Variants in PSMC5 observed in about 807,000 individuals in gnomAD.
The protein encoded by PSMC5 is 26S proteasome regulatory subunit 8.
PSMC5 carries 11 observed loss-of-function variants against 49.1 expected under a neutral mutation model. The ratio of observed to expected loss-of-function variants is 0.22; its 90% CI spans 0.14 to 0.37. PSMC5 has a LOEUF of 0.37. Ranked by LOEUF, PSMC5 falls within the 10% of genes least tolerant of loss-of-function variation. PSMC5 has a pLI of 1.00. For missense variants in PSMC5, 229 were observed against 520.9 expected (o/e 0.44, Z 5.45); for synonymous variants, 206 against 192.2 (o/e 1.07, Z -0.59).
At position 63,827,450 on chromosome 17, in the gene PSMC5, A is replaced by C. The variant is rs963903728; in HGVS notation, c.-41A>C. The stretch of plus-strand genomic sequence containing the variant: ...TCCTCCGCTTCCGCGCTTGCGCGCC[A>C]AGACGGCTCGGATGCCGGCGGTCTC... On this transcript the variant is annotated 5_prime_UTR_variant, in exon 1 of 12. Transcript: ENST00000310144. 6.4e-7 allele frequency: 1 copy of C among 1,551,600 alleles called. No individual in the cohort carries two copies. Among genetic ancestry groups the C allele is most frequent in the Non-Finnish European group, 8.7e-7 (1 of 1,147,010 alleles).
chr17:63,829,366 C>A, intron 2 of PSMC5, 128 bp from the exon 3 acceptor site: 1 of 793,808 alleles, frequency 1.3e-6, no homozygotes, highest in South Asian at 1.6e-5. Context: ...ACTGGAGAAT[C>A]TGAAACAACA....
At position 63,829,509 on chromosome 17, in the gene PSMC5, A is replaced by G. The variant is rs1008437886; in HGVS notation, c.112A>G (p.Lys38Glu). ...IEELQLIVND[K>E]SQNLRRLQAQ... is the part of the protein sequence containing the mutation. ...TCTGCCACAGCTGATTGTGAATGAT[A>G]AGAGCCAAAACCTCCGGAGGCTGCA... The change falls in exon 3 of 12, where the codon AAG becomes GAG. Residue 38 changes from lysine to glutamate, a missense_variant. Physicochemically the swap from Lys to Glu is moderately conservative, Grantham distance 56 (BLOSUM62 1). Coordinates refer to ENST00000310144, the MANE Select transcript of PSMC5 (RefSeq NM_002805.6). The G allele has an allele frequency of 6.4e-7, 1 of 1,554,966 alleles. No individual in the cohort carries two copies. Among genetic ancestry groups the G allele is most frequent in the Non-Finnish European group, 8.7e-7 (1 of 1,148,718 alleles).
rs571812042 is a variant in PSMC5 at position 63,831,995 on chromosome 17, C to T, written c.*26C>T. 19 of 1,606,234 alleles carry T rather than the reference C, an allele frequency of 1.2e-5. No individual in the cohort carries two copies. The South Asian group carries it at 1.8e-4, about 15-fold the overall frequency. ...GTGGACAGCCTTTGTGTGTATCTCT[C>T]CAATAAAGCTCTGTGGGCCAAGTCC... On this transcript the variant is annotated 3_prime_UTR_variant, in exon 12 of 12. Transcript: ENST00000310144. The surrounding 1 kb of genome is among the most constrained non-coding windows in gnomAD (Gnocchi z 6.3).
chr17:63,828,107 C>G (rs1333171779), intron 1 of PSMC5, 31 bp from the exon 2 acceptor site: 3 of 1,613,452 alleles, frequency 1.9e-6, no homozygotes, highest in Non-Finnish European at 2.5e-6. Context: ...GATGTTTAAC[C>G]TGTCGTTTAA....
At position 63,831,828 on chromosome 17, in the gene PSMC5, T is replaced by C; in HGVS notation, c.1167+18T>C. 2.5e-6 allele frequency: 4 copies of C among 1,613,974 alleles called. No homozygotes were observed. The highest frequency in any genetic ancestry group is 1.1e-5 in the South Asian group (1 of 91,080). On this transcript the variant is annotated intron_variant, in intron 11 of 11. Coordinates refer to ENST00000310144, the MANE Select transcript of PSMC5 (RefSeq NM_002805.6). The surrounding 1 kb of genome is among the most constrained non-coding windows in gnomAD (Gnocchi z 6.3). ...TAGCCAAGGTATAGGCCTCCATCTT[T>C]GTGCCTTTGCCAGTGGTGGCTCTGG...
At chr17:63,827,943 TTTTA>T in intron 1 of PSMC5, 191 bp from the exon 2 acceptor site, 1 of 1,323,190 alleles carries the variant, frequency 7.6e-7, no homozygotes, top group Non-Finnish European at 1.0e-6. Context: ...GTTCCCATTC[TTTTA>T]TTTTAGTCCT....
chr17:63,828,038 C>G (rs1335651821), intron 1 of PSMC5, 100 bp from the exon 2 acceptor site: 1 of 1,438,660 alleles, frequency 7.0e-7, no homozygotes, highest in Non-Finnish European at 9.7e-7. Context: ...TTCTACTACG[C>G]AAAGCTACCT....
At chr17:63,827,752 G>A in intron 1 of PSMC5, 2 of 1,432,546 alleles carry the variant, frequency 1.4e-6, no homozygotes, top group South Asian at 1.5e-5. Flanking sequence ...AGCGATGGGC[G>A]CGGGAATGGC....
rs775898082 is a variant in PSMC5, at chr17:63,830,154, G to C, written c.286G>C (p.Val96Leu). 10 of 1,613,988 alleles carry C rather than the reference G, an allele frequency of 6.2e-6. No homozygotes were observed. The highest frequency in any genetic ancestry group is 1.7e-5 in the Admixed American group (1 of 60,000). ...LVKVHPEGKF[V>L]VDVDKNIDIN... ...TTAGGTACATCCTGAAGGTAAATTT[G>C]TTGTAGACGTGGACAAAAACATTGA... The change falls in exon 5 of 12, where the codon GTT (valine) becomes CTT (leucine). Residue 96 changes from valine (V) to leucine (L), a missense_variant. By Grantham distance (32) the Val-to-Leu change is conservative (BLOSUM62 1). Transcript: ENST00000310144. The surrounding 1 kb of genome is among the most constrained non-coding windows in gnomAD (Gnocchi z 4.0).
Position 63,831,442 on chromosome 17 carries a change from G to C in PSMC5, c.969+17G>C. On this transcript the variant is annotated intron_variant, in intron 9 of 11. Transcript: ENST00000310144. The surrounding 1 kb of genome is among the most constrained non-coding windows in gnomAD (Gnocchi z 6.3). ...AATGAGGAGGTTTGTGATGGACACTGTGCAAAGTGGCTCTGGCTGTGGGGG... is the reference window on the plus strand; with the variant it reads ...AATGAGGAGGTTTGTGATGGACACTCTGCAAAGTGGCTCTGGCTGTGGGGG... 1.2e-6 allele frequency: 2 copies of C among 1,613,300 alleles called. No homozygotes were observed. Among genetic ancestry groups the C allele is most frequent in the East Asian group, 4.5e-5 (2 of 44,876 alleles).
Position 63,830,609 on chromosome 17 carries a change from T to C in PSMC5, c.552+108T>C. ...GCACCGGGATAGGCTGCATCTTGCT[T>C]GGGCTGGCCCTCCCCCTGAAAAGAG... On this transcript the variant is annotated intron_variant, in intron 6 of 11. Coordinates refer to ENST00000310144, the MANE Select transcript of PSMC5 (RefSeq NM_002805.6). This position sits in a 1 kb window ranked among gnomAD's most constrained non-coding sequence, Gnocchi z 4.0. The C allele has an allele frequency of 1.3e-6, 2 of 1,510,710 alleles. No individual in the cohort carries two copies. Among genetic ancestry groups the C allele is most frequent in the Non-Finnish European group, 1.8e-6 (2 of 1,129,760 alleles). The allele number at this position is 1,510,710 out of a possible 1,614,324, so 93.6% of individuals were successfully genotyped here. A position where few individuals can be genotyped will look rare whatever the true frequency, so the allele number is the denominator to read the frequency against.
Position 63,830,314 on chromosome 17 carries a change from C to A in PSMC5, c.365C>A (p.Thr122Asn), listed in dbSNP as rs1249341788. ...GTGGCTCTAAGGAATGACAGCTACACTCTGCACAAGATCCTGCCCAACAAG... is the reference window on the plus strand; with the variant it reads ...GTGGCTCTAAGGAATGACAGCTACAATCTGCACAAGATCCTGCCCAACAAG... ...CRVALRNDSY[T>N]LHKILPNKVD... Residue 122 changes from threonine (T) to asparagine (N), a missense_variant, in exon 6 of 12, where the codon ACT (threonine) becomes AAT (asparagine). This residue lies in a region of PSMC5 where 10 missense variants were observed against 22.3 expected (regional missense o/e 0.45). Coordinates refer to ENST00000310144, the MANE Select transcript of PSMC5 (RefSeq NM_002805.6). The surrounding 1 kb of genome is among the most constrained non-coding windows in gnomAD (Gnocchi z 4.0). 1.2e-6 allele frequency: 2 copies of A among 1,614,104 alleles called. No homozygotes were observed. The highest frequency in any genetic ancestry group is 1.7e-6 in the Non-Finnish European group (2 of 1,180,056).
In PSMC5 at chr17:63,830,956, G is replaced by A. The variant is rs7220892; in HGVS notation, c.679+21G>A. ...GGAAGGTAACCATGGCTAGCAATGTGAGAAGCAAGAGGTAGGGGTAGGGGG... is the reference window on the plus strand; with the variant it reads ...GGAAGGTAACCATGGCTAGCAATGTAAGAAGCAAGAGGTAGGGGTAGGGGG... On this transcript the variant is annotated intron_variant, in intron 7 of 11. Coordinates refer to ENST00000310144, the MANE Select transcript of PSMC5 (RefSeq NM_002805.6). This position sits in a 1 kb window ranked among gnomAD's most constrained non-coding sequence, Gnocchi z 4.0. The A allele has an allele frequency of 0.27, 434,041 of 1,613,270 alleles. 60,833 individuals are homozygous for A. Among genetic ancestry groups the A allele is most frequent in the African/African-American group, 0.37 (27,497 of 74,862 alleles).
rs754178099 is a variant in PSMC5, at chr17:63,830,206, A to AGGTGGT, written c.321+29_321+34dup. The AGGTGGT allele has an allele frequency of 6.2e-7, 1 of 1,613,846 alleles. No individual in the cohort carries two copies. The highest frequency in any genetic ancestry group is 1.1e-5 in the South Asian group (1 of 91,060). On this transcript the variant is annotated intron_variant, in intron 5 of 11. Coordinates refer to ENST00000310144, the MANE Select transcript of PSMC5 (RefSeq NM_002805.6). The surrounding 1 kb of genome is among the most constrained non-coding windows in gnomAD (Gnocchi z 4.0). ...ATCAATGATGTGAGTGTAGCAGGTG[A>AGGTGGT]GGTGGTGGTGGTGGTGGGGTCAGCT...
chr17:63,827,448 C>G lies in PSMC5; in HGVS notation c.-43C>G, dbSNP rs2040120913. 14 of 1,551,642 alleles carry G rather than the reference C, an allele frequency of 9.0e-6. No homozygotes were observed. Among genetic ancestry groups the G allele is most frequent in the African/African-American group, 1.4e-5 (1 of 73,080 alleles). ...AATCCTCCGCTTCCGCGCTTGCGCG[C>G]CAAGACGGCTCGGATGCCGGCGGTC... On this transcript the variant is annotated 5_prime_UTR_variant, in exon 1 of 12. Transcript: ENST00000310144.
In PSMC5 at chr17:63,831,283, T is replaced by C. The variant is rs1438566754; in HGVS notation, c.871-44T>C. 6.2e-7 allele frequency: 1 copy of C among 1,611,188 alleles called. No homozygotes were observed. The highest frequency in any genetic ancestry group is 1.1e-5 in the South Asian group (1 of 91,006). On this transcript the variant is annotated intron_variant, in intron 8 of 11. Transcript: ENST00000310144. The surrounding 1 kb of genome is among the most constrained non-coding windows in gnomAD (Gnocchi z 6.3). ...GGGAAGGCCTGGGTGCCACGCAGGC[T>C]GAGGAAGAGGTTTAGCTGATCCCCA...
At chr17:63,829,769 A>T in intron 3 of PSMC5, 83 bp from the exon 4 acceptor site, 1 of 1,432,134 alleles carries the variant, frequency 7.0e-7, no homozygotes, top group Non-Finnish European at 9.8e-7. Context: ...AATAAGAGTG[A>T]TGCTTAGCTC....
Position 63,830,556 on chromosome 17 carries a change from A to G in PSMC5, c.552+55A>G, listed in dbSNP as rs2040170669. 1 of 1,591,282 alleles carries G rather than the reference A, an allele frequency of 6.3e-7. No homozygotes were observed. On this transcript the variant is annotated intron_variant, in intron 6 of 11. Transcript: ENST00000310144. The surrounding 1 kb of genome is among the most constrained non-coding windows in gnomAD (Gnocchi z 4.0). ...AAGCTGTACTTACTCCTCCTGCCCC[A>G]GCCAGCCCTACTGCAGGGGTTGGGG...
At position 63,830,086 on chromosome 17, in the gene PSMC5, G is replaced by C; in HGVS notation, c.265-47G>C. 1.9e-6 allele frequency: 3 copies of C among 1,600,454 alleles called. No individual in the cohort carries two copies. Among genetic ancestry groups the C allele is most frequent in the Non-Finnish European group, 2.6e-6 (3 of 1,172,614 alleles). ...TCATAGGTCTTCCTGGGTAGGATTA[G>C]TGATTTGGTGGCTGTCAAGGAAGGT... On this transcript the variant is annotated intron_variant, in intron 4 of 11. Coordinates refer to ENST00000310144, the MANE Select transcript of PSMC5 (RefSeq NM_002805.6). The surrounding 1 kb of genome is among the most constrained non-coding windows in gnomAD (Gnocchi z 4.0).
Sources: allele counts gnomAD v4.1 joint callset, GRCh38; gene constraint gnomAD v4.1.1; regional missense constraint gnomAD v4.1.1; non-coding constraint Gnocchi (gnomAD v3.1); transcripts MANE v1.5; gene names NCBI Gene and HGNC (gene_info 2026-07-23, HGNC 2026-07-21).